EEF2K: variants seen among roughly 807,000 people sequenced by gnomAD.
The protein encoded by EEF2K is alternative protein EEF2K.
A neutral mutation model predicts 93.8 loss-of-function variants in EEF2K; 70 were observed. The observed-to-expected ratio is 0.75, with a 90% CI of 0.62 to 0.91. EEF2K has a LOEUF of 0.91. Among genes scored for constraint, EEF2K ranks in the 40% least tolerant of loss-of-function variants. EEF2K has a pLI of 0.00. For synonymous variants in EEF2K, 376 were observed against 380.8 expected (o/e 0.99, Z 0.15); for missense variants, 935 against 972.9 (o/e 0.96, Z 0.52).
intron 1 of EEF2K, among the ~76,000 whole-genome samples, chr16:22,209,859 C>G (rs2142097308): frequency 6.6e-6 from 1 of 152,324 alleles, no homozygotes; most frequent in Non-Finnish European, 1.5e-5. Context: ...GTGGCACAGT[C>G]ACAGCTCACT....
intron 1 of EEF2K, among the ~76,000 whole-genome samples, chr16:22,220,828 T>C (rs1240244445): frequency 6.6e-6 from 1 of 152,226 alleles, no homozygotes; most frequent in African/African-American, 2.4e-5. Context: ...CTCCTGGCAC[T>C]GTCCTGGCCC....
At chr16:22,282,413 ACCC>A (rs2047702898) in intron 17 of EEF2K, among the ~76,000 whole-genome samples, 4 of 152,016 alleles carry the variant, frequency 2.6e-5, no homozygotes, top group Admixed American at 6.6e-5. Context: ...TTAGGGCCCT[ACCC>A]TTATGACCTC....
At chr16:22,229,884 A>T (rs905104182) in intron 2 of EEF2K, among the ~76,000 whole-genome samples, 1 of 152,250 alleles carries the variant, frequency 6.6e-6, no homozygotes, top group African/African-American at 2.4e-5. Flanking sequence ...ATAATCTTCC[A>T]TAACTTCTGA....
chr16:22,272,309 C>T lies in EEF2K; in HGVS notation c.1765-1317C>T, dbSNP rs191697486. Among the ~76,000 whole-genome samples, 17 of 152,192 alleles carry T rather than the reference C, an allele frequency of 1.1e-4. No individual in the cohort carries two copies. The East Asian group carries it at 1.5e-3, about 14-fold the overall frequency. On this transcript the variant is annotated intron_variant, in intron 15 of 17. Coordinates refer to ENST00000263026, the MANE Select transcript of EEF2K (RefSeq NM_013302.5). ...GTCTGTCAGTGGATGAATGGATAAA[C>T]GAAATGTGATACAGCCATACAATGG... is the stretch of plus-strand genomic sequence containing the variant.
At chr16:22,272,095 A>G (rs2047588332) in intron 15 of EEF2K, among the ~76,000 whole-genome samples, 1 of 152,210 alleles carries the variant, frequency 6.6e-6, no homozygotes. Context: ...TACAATAGAA[A>G]AAACAGTACA....
intron 1 of EEF2K, among the ~76,000 whole-genome samples, chr16:22,225,340 G>C (rs1371971585): frequency 6.6e-6 from 1 of 152,188 alleles, no homozygotes; most frequent in Non-Finnish European, 1.5e-5. Flanking sequence ...CCAGGGGTGG[G>C]CGTTAAGCAG....
At chr16:22,248,691 T>G in intron 3 of EEF2K, 64 bp from the exon 4 acceptor site, 1 of 1,598,538 alleles carries the variant, frequency 6.3e-7, no homozygotes, top group Admixed American at 1.7e-5. Flanking sequence ...TCTTTGACCT[T>G]TAGCCAGTGA....
Position 22,284,073 on chromosome 16 carries a change from T to C in EEF2K, c.*77T>C, listed in dbSNP as rs1216487647. On this transcript the variant is annotated 3_prime_UTR_variant, in exon 18 of 18. Transcript: ENST00000263026. ...TTAAAAAAACAACAACAACAACTTA[T>C]TTAGTTTGGGGAGGGGAAGCATTTT... 4 of 1,295,402 alleles carry C rather than the reference T, an allele frequency of 3.1e-6. No individual in the cohort carries two copies. In the African/African-American group the frequency reaches 4.5e-5, roughly 15 times the overall value. 80.2% of individuals were successfully genotyped at this position (1,295,402 alleles called of 1,614,324 possible). A position where few individuals can be genotyped will look rare whatever the true frequency, so the allele number is the denominator to read the frequency against.
chr16:22,277,994 C>T (rs2047654816), intron 16 of EEF2K, among the ~76,000 whole-genome samples: 1 of 152,094 alleles, frequency 6.6e-6, no homozygotes, highest in African/African-American at 2.4e-5. Context: ...CACTTGAGTC[C>T]AGGAGTTCAA....
At chr16:22,239,631 C>T (rs563822279) in intron 2 of EEF2K, among the ~76,000 whole-genome samples, 50 of 151,932 alleles carry the variant, frequency 3.3e-4, no homozygotes, top group African/African-American at 1.1e-3. Flanking sequence ...GGCAACATAC[C>T]GAGATCCTGT....
intron 2 of EEF2K, among the ~76,000 whole-genome samples, chr16:22,234,721 G>A (rs773793885): frequency 2.6e-5 from 4 of 151,630 alleles, no homozygotes; most frequent in Non-Finnish European, 4.4e-5. Flanking sequence ...TAGCCATCAC[G>A]CTCTAATATA....
At chr16:22,278,721 ATAGT>A (rs1488465061) in intron 16 of EEF2K, among the ~76,000 whole-genome samples, 7 of 152,076 alleles carry the variant, frequency 4.6e-5, no homozygotes, top group African/African-American at 1.7e-4. Flanking sequence ...TATACTATAA[ATAGT>A]TACTCACACG....
At chr16:22,235,641 G>A (rs866015478) in intron 2 of EEF2K, among the ~76,000 whole-genome samples, 33 of 152,246 alleles carry the variant, frequency 2.2e-4, no homozygotes, top group Non-Finnish European at 2.6e-4. Flanking sequence ...GGGATTACAG[G>A]CATGCACCAC....
chr16:22,260,365 G>C, intron 10 of EEF2K, 97 bp from the exon 11 acceptor site: 1 of 1,152,068 alleles, frequency 8.7e-7, no homozygotes, highest in Non-Finnish European at 1.2e-6. Flanking sequence ...AAAAAAAAAG[G>C]CTTGGTGGCA....
intron 1 of EEF2K, among the ~76,000 whole-genome samples, chr16:22,222,348 G>T (rs1281726026): frequency 1.3e-5 from 2 of 151,794 alleles, no homozygotes; most frequent in East Asian, 3.9e-4. Flanking sequence ...TGGGACTACA[G>T]GCACGCACCA....
chr16:22,224,739 G>A (rs981726468), intron 1 of EEF2K, among the ~76,000 whole-genome samples: 1 of 152,136 alleles, frequency 6.6e-6, no homozygotes, highest in African/African-American at 2.4e-5. Flanking sequence ...GATCACCTGG[G>A]GTCAGAAGTT....
At chr16:22,267,658 A>C (rs1053956842) in intron 15 of EEF2K, among the ~76,000 whole-genome samples, 4 of 151,872 alleles carry the variant, frequency 2.6e-5, no homozygotes, top group African/African-American at 7.3e-5. Context: ...GGAGTGAGCC[A>C]GGCCAAGTGG....
At chr16:22,266,190 C>G (rs191146651) in intron 13 of EEF2K, among the ~76,000 whole-genome samples, 200 bp from the exon 14 acceptor site, 3 of 151,768 alleles carry the variant, frequency 2.0e-5, no homozygotes, top group Admixed American at 6.6e-5. Flanking sequence ...CCATTGCACT[C>G]CAACCTGGGC....
chr16:22,250,898 C>G (rs1314468720), intron 5 of EEF2K, among the ~76,000 whole-genome samples: 1 of 152,216 alleles, frequency 6.6e-6, no homozygotes, highest in Non-Finnish European at 1.5e-5. Context: ...GAACACCCCA[C>G]TTACCTCTGC....
Sources: gnomAD v4.1 joint callset for allele counts (sites outside exome capture counted in the v4.1 genomes callset) on GRCh38, gnomAD v4.1.1 for gene constraint, MANE v1.5 for transcripts, NCBI Gene and HGNC (gene_info 2026-07-23, HGNC 2026-07-21) for gene names.